The following ACP5 variants were observed in gnomAD, a reference collection of about 807,000 sequenced individuals.
ACP5 encodes tartrate-resistant acid phosphatase type 5.
ACP5 carries 24 observed loss-of-function variants against 28.7 expected under a neutral mutation model. The ratio of observed to expected loss-of-function variants is 0.84; its 90% CI spans 0.61 to 1.18. The LOEUF (loss-of-function observed/expected upper bound fraction) is 1.18, where lower values mean the gene tolerates loss of function less well. Among genes scored for constraint, ACP5 ranks in the 50% most tolerant of loss-of-function variants. ACP5 has a pLI of 0.00. For missense variants in ACP5, 354 were observed against 422.2 expected, an observed-to-expected ratio of 0.84 and a Z score of 1.42; for synonymous variants, 154 against 181.4, an observed-to-expected ratio of 0.85 and a Z score of 1.21.
chr19:11,575,683 C>T (rs1438902804), intron 4 of ACP5: 1 of 234,110 alleles, frequency 4.3e-6, no homozygotes, highest in Admixed American at 5.0e-5. Flanking sequence ...CATGGTGAAA[C>T]CCCGTCTCTA....
In ACP5 at chr19:11,575,005, G is replaced by A; in HGVS notation, c.*5C>T. The A allele has an allele frequency of 1.2e-6, 2 of 1,614,072 alleles. No homozygotes were observed. Among genetic ancestry groups the A allele is most frequent in the South Asian group, 1.1e-5 (1 of 91,060 alleles). On this transcript the variant is annotated 3_prime_UTR_variant, in exon 5 of 5. Coordinates refer to ENST00000648477, the MANE Select transcript of ACP5 (RefSeq NM_001611.5). ...CGGGCCTCAGAGCTGGGCAGTCATG[G>A]GAGTTCAGGGCCTGGCTCGCCTCGG...
chr19:11,575,163 G>A lies in ACP5; in HGVS notation c.825C>T (p.Pro275=), dbSNP rs760569679. 2 of 1,614,170 alleles carry A rather than the reference G, an allele frequency of 1.2e-6. No homozygotes were observed. The highest frequency in any genetic ancestry group is 2.2e-5 in the South Asian group (2 of 91,090). ...DPSKRHQRKV[P]NGYLRFHYGT... Reference sequence around the variant, plus strand: ...CATAGTGGAAGCGCAGATAGCCGTTGGGGACCTTGCGCTGGTGCCGCTTTG... The same window carrying A: ...CATAGTGGAAGCGCAGATAGCCGTTAGGGACCTTGCGCTGGTGCCGCTTTG... Residue 275 remains proline, a synonymous_variant, in exon 5 of 5, where the codon CCC becomes CCT. Coordinates refer to ENST00000648477, the MANE Select transcript of ACP5 (RefSeq NM_001611.5).
At position 11,576,235 on chromosome 19, in the gene ACP5, G is replaced by C; in HGVS notation, c.735+8C>G. 6.2e-7 allele frequency: 1 copy of C among 1,602,792 alleles called. No individual in the cohort carries two copies. Among genetic ancestry groups the C allele is most frequent in the Non-Finnish European group, 8.5e-7 (1 of 1,179,588 alleles). ...ACCCAGCTCCCACCCCACCCACAGG[G>C]CCCTCACCTGCAGATTGTGATCGTG... On this transcript the variant is annotated splice_region_variant and intron_variant, in intron 4 of 4. Transcript: ENST00000648477.
chr19:11,577,200 C>T lies in ACP5; in HGVS notation c.118G>A (p.Ala40Thr). Reference protein sequence around the residue: ...AVGDWGGVPNAPFHTAREMAN... With the variant: ...AVGDWGGVPNTPFHTAREMAN... ...ATTTCCCGGGCCGTGTGGAATGGGGCATTGGGGACCCCTCCCCAGTCACCC... is the reference window on the plus strand; with the variant it reads ...ATTTCCCGGGCCGTGTGGAATGGGGTATTGGGGACCCCTCCCCAGTCACCC... The change falls in exon 2 of 5, where the codon GCC (alanine) becomes ACC (threonine). Residue 40 changes from alanine (A) to threonine (T), a missense_variant. Transcript: ENST00000648477. The surrounding 1 kb of genome is among the most constrained non-coding windows in gnomAD (Gnocchi z 5.7). The T allele has an allele frequency of 6.2e-7, 1 of 1,614,198 alleles. No homozygotes were observed. Among genetic ancestry groups the T allele is most frequent in the Non-Finnish European group, 8.5e-7 (1 of 1,180,030 alleles).
In ACP5 at chr19:11,574,905, C is replaced by T. The variant is rs995864624; in HGVS notation, c.*105G>A. 1.4e-5 allele frequency: 19 copies of T among 1,362,884 alleles called. No individual in the cohort carries two copies. The highest frequency in any genetic ancestry group is 1.7e-5 in the Admixed American group (1 of 57,810). 84.4% of individuals were successfully genotyped at this position (1,362,884 alleles called of 1,614,324 possible). A position where few individuals can be genotyped will look rare whatever the true frequency, so the allele number is the denominator to read the frequency against. On this transcript the variant is annotated 3_prime_UTR_variant, in exon 5 of 5. Coordinates refer to ENST00000648477, the MANE Select transcript of ACP5 (RefSeq NM_001611.5). ...TGTGTTTCCCCTTCCTGCCCTGCTG[C>T]AGCGCCACAGGTTGGAGGAAAAGCC... is the stretch of plus-strand genomic sequence containing the variant.
At position 11,574,858 on chromosome 19, in the gene ACP5, T is replaced by C. The variant is rs1040009435; in HGVS notation, c.*152A>G. Reference sequence around the variant, plus strand: ...GTGGGCATCTGTGCCACAAGGGTCATGTGGCACCACAGTTCATCAGCTGTG... The same window carrying C: ...GTGGGCATCTGTGCCACAAGGGTCACGTGGCACCACAGTTCATCAGCTGTG... On this transcript the variant is annotated 3_prime_UTR_variant, in exon 5 of 5. Coordinates refer to ENST00000648477, the MANE Select transcript of ACP5 (RefSeq NM_001611.5). 6.0e-6 allele frequency: 5 copies of C among 829,440 alleles called. No homozygotes were observed. In the East Asian group the frequency reaches 1.1e-4, roughly 18 times the overall value. The allele number at this position is 829,440 out of a possible 1,614,324, so 51.4% of individuals were successfully genotyped here.
rs2145093640 is a variant in ACP5 at position 11,577,272 on chromosome 19, G to T, written c.46C>A (p.Pro16Thr). The T allele has an allele frequency of 3.1e-6, 5 of 1,614,154 alleles. No individual in the cohort carries two copies. Among genetic ancestry groups the T allele is most frequent in the Non-Finnish European group, 4.2e-6 (5 of 1,180,016 alleles). Residue 16 changes from proline (P) to threonine (T), a missense_variant, in exon 2 of 5, where the codon CCC (proline) becomes ACC (threonine). Coordinates refer to ENST00000648477, the MANE Select transcript of ACP5 (RefSeq NM_001611.5). The surrounding 1 kb of genome is among the most constrained non-coding windows in gnomAD (Gnocchi z 5.7). ...GGGGTGGCACCATCAGCCAGGGAGG[G>T]TAGCAACAAGGCTTGCAGGATGAGC... The part of the protein sequence containing the change: ...ALLILQALLL[P>T]SLADGATPAL...
Position 11,576,729 on chromosome 19 carries a change from T to C in ACP5, c.376A>G (p.Ile126Val). The change falls in exon 3 of 5, where the codon ATC becomes GTC. Residue 126 changes from isoleucine (I) to valine (V), a missense_variant. Physicochemically the swap from Ile to Val is conservative, Grantham distance 29. Coordinates refer to ENST00000648477, the MANE Select transcript of ACP5 (RefSeq NM_001611.5). ...NVSAQIAYSK[I>V]SKRWNFPSPF... is the part of the protein sequence containing the mutation. Reference sequence around the variant, plus strand: ...AGGGTGGCTCACCAGCGCTTGGAGATCTTAGAGTATGCAATCTGGGCAGAG... The same window carrying C: ...AGGGTGGCTCACCAGCGCTTGGAGACCTTAGAGTATGCAATCTGGGCAGAG... 1 of 1,613,850 alleles carries C rather than the reference T, an allele frequency of 6.2e-7. No individual in the cohort carries two copies. The highest frequency in any genetic ancestry group is 8.5e-7 in the Non-Finnish European group (1 of 1,179,950).
At position 11,576,356 on chromosome 19, in the gene ACP5, C is replaced by G; in HGVS notation, c.622G>C (p.Val208Leu). 6.2e-7 allele frequency: 1 copy of G among 1,610,394 alleles called. No homozygotes were observed. The highest frequency in any genetic ancestry group is 8.5e-7 in the Non-Finnish European group (1 of 1,178,294). ...DYVLVAGHYP[V>L]WSIAEHGPTH... ...GGCCCGTGCTCGGCTATGGACCACACGGGGTAGTGGCCAGCCACCAGCACG... is the reference window on the plus strand; with the variant it reads ...GGCCCGTGCTCGGCTATGGACCACAGGGGGTAGTGGCCAGCCACCAGCACG... Residue 208 changes from valine (V) to leucine (L), a missense_variant, in exon 4 of 5, where the codon GTG (valine) becomes CTG (leucine). Coordinates refer to ENST00000648477, the MANE Select transcript of ACP5 (RefSeq NM_001611.5).
chr19:11,577,078 G>C lies in ACP5; in HGVS notation c.240C>G (p.Asp80Glu). Residue 80 changes from aspartate (D) to glutamate (E), a missense_variant, in exon 2 of 5, where the codon GAC becomes GAG. Physicochemically the swap from Asp to Glu is conservative, Grantham distance 45 (BLOSUM62 2). Coordinates refer to ENST00000648477, the MANE Select transcript of ACP5 (RefSeq NM_001611.5). This position sits in a 1 kb window ranked among gnomAD's most constrained non-coding sequence, Gnocchi z 5.7. ...AGACCTGGAACCTCTTGTCATTGAT[G>C]TCTTGCACACCAGTGAAGTAAAAAT... is the stretch of plus-strand genomic sequence containing the variant. ...GDNFYFTGVQ[D>E]INDKRFQETF... The C allele has an allele frequency of 3.1e-6, 5 of 1,614,124 alleles. No individual in the cohort carries two copies. Among genetic ancestry groups the C allele is most frequent in the Non-Finnish European group, 4.2e-6 (5 of 1,179,994 alleles).
At position 11,576,485 on chromosome 19, in the gene ACP5, C is replaced by A; in HGVS notation, c.493G>T (p.Asp165Tyr). ...TCAGGCTGCTGGCTGAGGAAGTCAT[C>A]TGAGTTGCCACATAGTGTCACTGTG... is the stretch of plus-strand genomic sequence containing the variant. ...LDTVTLCGNS[D>Y]DFLSQQPERP... is the part of the protein sequence containing the mutation. Residue 165 changes from aspartate (D) to tyrosine (Y), a missense_variant, in exon 4 of 5, where the codon GAT becomes TAT. Coordinates refer to ENST00000648477, the MANE Select transcript of ACP5 (RefSeq NM_001611.5). The A allele has an allele frequency of 6.2e-7, 1 of 1,614,186 alleles. No homozygotes were observed. Among genetic ancestry groups the A allele is most frequent in the South Asian group, 1.1e-5 (1 of 91,090 alleles).
rs556637113 is a variant in ACP5 at position 11,577,304 on chromosome 19, G to A, written c.14C>T (p.Thr5Met). 9.4e-5 allele frequency: 152 copies of A among 1,613,844 alleles called. 1 individual carries two copies. The South Asian group carries it at 1.2e-3, about 12-fold the overall frequency. Residue 5 changes from threonine to methionine, a missense_variant, in exon 2 of 5, where the codon ACG (threonine) becomes ATG (methionine). Transcript: ENST00000648477. This position sits in a 1 kb window ranked among gnomAD's most constrained non-coding sequence, Gnocchi z 5.7. ...CAAGGCTTGCAGGATGAGCAGCGCCGTCCACATGTCCATCTGGGAGAAGAG... is the reference window on the plus strand; with the variant it reads ...CAAGGCTTGCAGGATGAGCAGCGCCATCCACATGTCCATCTGGGAGAAGAG... MDMW[T>M]ALLILQALLL...
Position 11,574,743 on chromosome 19 carries a change from C to A in ACP5, c.*267G>T, listed in dbSNP as rs1973062164. On this transcript the variant is annotated 3_prime_UTR_variant, in exon 5 of 5. Transcript: ENST00000648477. ...GGAGGAAGCTTTCCCTCCCTCCCTC[C>A]CCCATTGCACCCCGGAACTCAGCAA... The A allele has an allele frequency of 2.3e-6, 1 of 443,180 alleles. No individual in the cohort carries two copies. The highest frequency in any genetic ancestry group is 4.2e-6 in the Non-Finnish European group (1 of 237,878). 27.5% of individuals were successfully genotyped at this position (443,180 alleles called of 1,614,324 possible).
Position 11,576,774 on chromosome 19 carries a change from G to A in ACP5, c.331C>T (p.His111Tyr), listed in dbSNP as rs1195620494. 7 of 1,614,074 alleles carry A rather than the reference G, an allele frequency of 4.3e-6. No homozygotes were observed. Among genetic ancestry groups the A allele is most frequent in the Admixed American group, 3.3e-5 (2 of 59,990 alleles). ...GCAGAGACATTGCCAAGGTGGTCAT[G>A]GTTTCCGGCTAGCACGTACCAGGGC... is the stretch of plus-strand genomic sequence containing the variant. ...KVPWYVLAGN[H>Y]DHLGNVSAQI... is the part of the protein sequence containing the mutation. The change falls in exon 3 of 5, where the codon CAT (histidine) becomes TAT (tyrosine). Residue 111 changes from histidine to tyrosine, a missense_variant. His to Tyr is a moderately conservative substitution (Grantham distance 83). Transcript: ENST00000648477.
chr19:11,578,188 G>A (rs1164391187), upstream of ACP5: 2 of 152,648 alleles, frequency 1.3e-5, no homozygotes, highest in African/African-American at 4.8e-5. Context: ...GCACTGGGTG[G>A]GAATCCCTAT....
Position 11,577,114 on chromosome 19 carries a change from A to G in ACP5, c.204T>C (p.Ser68=). ...CAGTGAAGTAAAAATTGTCCCCTAG[A>G]GACAGGATGAAGTCTGCACCCAGGA... ...VQILGADFIL[S]LGDNFYFTGV... Residue 68 remains serine (S), a synonymous_variant, in exon 2 of 5, where the codon TCT becomes TCC. Coordinates refer to ENST00000648477, the MANE Select transcript of ACP5 (RefSeq NM_001611.5). This position sits in a 1 kb window ranked among gnomAD's most constrained non-coding sequence, Gnocchi z 5.7. 6.2e-7 allele frequency: 1 copy of G among 1,614,098 alleles called. No homozygotes were observed. The highest frequency in any genetic ancestry group is 1.1e-5 in the South Asian group (1 of 91,084).
chr19:11,575,496 G>T, intron 4 of ACP5: 1 of 519,176 alleles, frequency 1.9e-6, no homozygotes. Context: ...GGCTGAGGGG[G>T]TGGATTGCTT....
intron 4 of ACP5, among the ~76,000 whole-genome samples, chr19:11,576,030 TAAAA>T (rs917948801): frequency 1.9e-5 from 2 of 105,180 alleles, no homozygotes; most frequent in Admixed American, 1.8e-4. Flanking sequence ...AAAAAGAGCT[TAAAA>T]AAGAAAGAAA....
At chr19:11,576,680 T>G (rs1222232276) in intron 3 of ACP5, 36 bp downstream of exon 3, 1 of 1,613,902 alleles carries the variant, frequency 6.2e-7, no homozygotes, top group East Asian at 2.2e-5. Flanking sequence ...CCCTGCTATG[T>G]GAGGATCTCG....
Sources: gnomAD v4.1 joint callset for allele counts (sites outside exome capture counted in the v4.1 genomes callset) on GRCh38, gnomAD v4.1.1 for gene constraint, Gnocchi (gnomAD v3.1) non-coding constraint, MANE v1.5 for transcripts, NCBI Gene and HGNC (gene_info 2026-07-23, HGNC 2026-07-21) for gene names.